GUCY2F: variants seen among roughly 807,000 people sequenced by gnomAD.
GUCY2F encodes the protein guanylate cyclase 2F, retinal.
Under a neutral mutation model 73.1 loss-of-function variants are expected in GUCY2F, and 61 were observed. That is an observed-to-expected ratio of 0.83 (90% CI 0.68 to 1.03). The LOEUF is 1.03. Ranked by LOEUF, GUCY2F falls within the 50% of genes least tolerant of loss-of-function variation. The pLI, the probability that GUCY2F is intolerant of heterozygous loss-of-function variation, is 0.00. For missense variants in GUCY2F, 912 were observed against 854.3 expected, an observed-to-expected ratio of 1.07 and a Z score of -0.84; for synonymous variants, 331 against 307.8, an observed-to-expected ratio of 1.08 and a Z score of -0.79.
At chrX:109,379,086 G>A (rs1930241351) in intron 17 of GUCY2F, among the ~76,000 whole-genome samples, 1 of 112,324 alleles carries the variant, frequency 8.9e-6, no homozygotes, top group Admixed American at 9.4e-5. Context: ...CAACATGAAT[G>A]GAATTGAAGA....
At chrX:109,373,362 C>T (rs1487062343) in intron 19 of GUCY2F, among the ~76,000 whole-genome samples, 1 of 111,480 alleles carries the variant, frequency 9.0e-6, no homozygotes, top group Non-Finnish European at 1.9e-5. Context: ...AGGTTTCTAG[C>T]CAGTCCACAA....
intron 1 of GUCY2F, among the ~76,000 whole-genome samples, chrX:109,476,892 G>T (rs982355691): frequency 9.1e-6 from 1 of 110,429 alleles, no homozygotes; most frequent in Admixed American, 9.7e-5. Context: ...TGGATTCTTA[G>T]AATTCTAAAG....
Position 109,448,100 on chromosome X carries a change from A to G in GUCY2F, c.1538T>C (p.Val513Ala). ...PNRILLTLED[V>A]TFINPHFGSK... Reference sequence around the variant, plus strand: ...GCCAAAGTGGGGATTGATAAACGTTACATCCTCCAAAGTCAGTAGAATTCT... The same window carrying G: ...GCCAAAGTGGGGATTGATAAACGTTGCATCCTCCAAAGTCAGTAGAATTCT... Residue 513 changes from valine to alanine, a missense_variant, in exon 6 of 20, where the codon GTA becomes GCA. Transcript: ENST00000218006. 9.0e-7 allele frequency: 1 copy of G among 1,113,237 alleles called. No homozygotes were observed. Among genetic ancestry groups the G allele is most frequent in the Non-Finnish European group, 1.2e-6 (1 of 806,332 alleles). 91.7% of individuals were successfully genotyped at this position (1,113,237 alleles called of 1,213,427 possible).
At chrX:109,417,596 G>C (rs1199458579) in intron 8 of GUCY2F, among the ~76,000 whole-genome samples, 3 of 111,236 alleles carry the variant, frequency 2.7e-5, no homozygotes, top group Non-Finnish European at 3.8e-5. Flanking sequence ...ACATAGATGA[G>C]TCAAATAGAG....
At chrX:109,402,986 G>A (rs1464497232) in intron 10 of GUCY2F, among the ~76,000 whole-genome samples, 2 of 111,361 alleles carry the variant, frequency 1.8e-5, no homozygotes, top group Non-Finnish European at 3.8e-5. Context: ...TAAAACTTAC[G>A]CCAAAGGTAA....
In GUCY2F at chrX:109,388,620, G is replaced by A. The variant is rs370514556; in HGVS notation, c.2825C>T (p.Pro942Leu). ...TGCATGCCTACTGCCATTCCTCTTT[G>A]GGAGGCCTGAAGCCACCATGTAGGC... ...GDAYMVASGL[P>L]KRNGSRHAAE... Residue 942 changes from proline to leucine, a missense_variant, in exon 15 of 20, where the codon CCA becomes CTA. Physicochemically the swap from Pro to Leu is moderately conservative, Grantham distance 98. Coordinates refer to ENST00000218006, the MANE Select transcript of GUCY2F (RefSeq NM_001522.3). 45 of 1,200,018 alleles carry A rather than the reference G, an allele frequency of 3.7e-5. No homozygotes were observed. The highest frequency in any genetic ancestry group is 5.1e-5 in the Non-Finnish European group (45 of 886,503).
chrX:109,443,677 C>G (rs954213076), intron 6 of GUCY2F, among the ~76,000 whole-genome samples: 31 of 111,832 alleles, frequency 2.8e-4, no homozygotes, highest in Admixed American at 2.9e-4. Flanking sequence ...AAAGCCTATA[C>G]AAATAAAAGC....
In GUCY2F at chrX:109,411,751, G is replaced by T. The variant is rs1931115455; in HGVS notation, c.1792-2583C>A. Among the ~76,000 whole-genome samples, 3 of 111,939 alleles carry T rather than the reference G, an allele frequency of 2.7e-5. No individual in the cohort carries two copies. The South Asian group carries it at 1.1e-3, about 42-fold the overall frequency. On this transcript the variant is annotated intron_variant, in intron 8 of 19. Coordinates refer to ENST00000218006, the MANE Select transcript of GUCY2F (RefSeq NM_001522.3). The stretch of plus-strand genomic sequence containing the variant: ...GAAACTAAGGAATGAGTTCTGACCA[G>T]TATAAATACATGTGGGAATTGTAAG...
At chrX:109,439,730 T>C (rs1931829788) in intron 7 of GUCY2F, among the ~76,000 whole-genome samples, 1 of 112,125 alleles carries the variant, frequency 8.9e-6, no homozygotes, top group Non-Finnish European at 1.9e-5. Flanking sequence ...GCCAAGTTAT[T>C]TGCCAATTTA....
In GUCY2F at chrX:109,475,316, A is replaced by T; in HGVS notation, c.621T>A (p.Ser207Arg). ...CAGGTAAGCCGTGGCTCCGAAGAGC[A>T]CTTGCGACTCGATTGGCTGTATGCA... ...IWVHTANRVA[S>R]ALRSHGLPVG... The change falls in exon 2 of 20, where the codon AGT becomes AGA. Residue 207 changes from serine to arginine, a missense_variant. Transcript: ENST00000218006. 3.3e-6 allele frequency: 4 copies of T among 1,211,366 alleles called. No homozygotes were observed. Among genetic ancestry groups the T allele is most frequent in the Non-Finnish European group, 4.5e-6 (4 of 895,082 alleles).
At chrX:109,415,143 T>C (rs1931211322) in intron 8 of GUCY2F, among the ~76,000 whole-genome samples, 1 of 109,601 alleles carries the variant, frequency 9.1e-6, no homozygotes, top group African/African-American at 3.3e-5. Flanking sequence ...AAAAAAAGAA[T>C]CTAAAACTCA....
chrX:109,424,285 A>T (rs1329908092), intron 8 of GUCY2F, among the ~76,000 whole-genome samples: 2 of 112,396 alleles, frequency 1.8e-5, no homozygotes, highest in Non-Finnish European at 3.8e-5. Context: ...TCTATTAAAG[A>T]GATTTAAGCA....
chrX:109,386,359 G>T (rs1191885032), intron 15 of GUCY2F, among the ~76,000 whole-genome samples: 1 of 111,480 alleles, frequency 9.0e-6, no homozygotes, highest in Non-Finnish European at 1.9e-5. Flanking sequence ...GGTAGGATTT[G>T]ATCTAGGTCT....
chrX:109,475,706 T>A lies in GUCY2F; in HGVS notation c.231A>T (p.Arg77=). 1 of 1,211,369 alleles carries A rather than the reference T, an allele frequency of 8.3e-7. No individual in the cohort carries two copies. Among genetic ancestry groups the A allele is most frequent in the Non-Finnish European group, 1.1e-6 (1 of 895,282 alleles). The change falls in exon 2 of 20, where the codon CGA becomes CGT. Residue 77 remains arginine, a synonymous_variant. Transcript: ENST00000218006. ...FSKALPEVAA[R]LAIERINRDP... ...CCCGGTTGATTCGCTCAATGGCTAA[T>A]CGCGCAGCAACCTCAGGCAGGGCCT...
At position 109,376,060 on chromosome X, in the gene GUCY2F, A is replaced by G; in HGVS notation, c.3239+19T>C. 8.6e-7 allele frequency: 1 copy of G among 1,167,201 alleles called. No individual in the cohort carries two copies. The highest frequency in any genetic ancestry group is 3.0e-5 in the East Asian group (1 of 33,686). ...AGTATGGCATAGGAAGACTCCAATT[A>G]AATGTGAACTCCACTTACCCATCTT... On this transcript the variant is annotated intron_variant, in intron 18 of 19. Coordinates refer to ENST00000218006, the MANE Select transcript of GUCY2F (RefSeq NM_001522.3).
chrX:109,453,774 G>C lies in GUCY2F; in HGVS notation c.1118C>G (p.Ala373Gly). 8.3e-7 allele frequency: 1 copy of C among 1,204,774 alleles called. No individual in the cohort carries two copies. The highest frequency in any genetic ancestry group is 1.1e-6 in the Non-Finnish European group (1 of 889,207). Residue 373 changes from alanine (A) to glycine (G), a missense_variant, in exon 4 of 20, where the codon GCT (alanine) becomes GGT (glycine). Transcript: ENST00000218006. ...ATGCTGAACCAGGCTGGCAGCACCA[G>C]CCTGTCCATTTTCTTTCATAGCATT... ...MNNAMKENGQ[A>G]GAASLVQHSR...
chrX:109,388,321 A>G (rs1269676538), intron 15 of GUCY2F, among the ~76,000 whole-genome samples, 168 bp downstream of exon 15: 5 of 111,959 alleles, frequency 4.5e-5, no homozygotes, highest in Non-Finnish European at 9.4e-5. Context: ...GTGTTAGTGC[A>G]GGTACTGGGA....
intron 8 of GUCY2F, among the ~76,000 whole-genome samples, chrX:109,426,820 C>T (rs1037745428): frequency 8.9e-6 from 1 of 112,105 alleles, no homozygotes; most frequent in African/African-American, 3.2e-5. Context: ...ATGAAATAGT[C>T]AAGATATATA....
rs185725947 is a variant in GUCY2F at position 109,433,080 on chromosome X, A to G, written c.1702-2684T>C. ...TGGTACCACTCACGCATAAATTGGC[A>G]TATGTTACAATGTGAATATTACCCT... is the stretch of plus-strand genomic sequence containing the variant. On this transcript the variant is annotated intron_variant, in intron 7 of 19. Transcript: ENST00000218006. 1.2e-4 allele frequency among the ~76,000 whole-genome samples: 13 copies of G among 112,174 alleles called. No homozygotes were observed. The East Asian group carries it at 3.4e-3, about 29-fold the overall frequency.
Sources: allele counts gnomAD v4.1 joint callset (sites outside exome capture counted in the v4.1 genomes callset), GRCh38; gene constraint gnomAD v4.1.1; transcripts MANE v1.5; gene names NCBI Gene and HGNC (gene_info 2026-07-23, HGNC 2026-07-21).